The following ITPKB variants were observed in gnomAD, a reference collection of about 807,000 sequenced individuals.
The protein encoded by ITPKB is IP3 3-kinase B.
A neutral mutation model predicts 69.4 loss-of-function variants in ITPKB; 13 were observed. The ratio of observed to expected loss-of-function variants is 0.19; its 90% confidence interval spans 0.12 to 0.30. ITPKB has a LOEUF of 0.30. Ranked by LOEUF, ITPKB falls within the 10% of genes least tolerant of loss-of-function variation. ITPKB has a pLI of 1.00. For synonymous variants in ITPKB, 584 were observed against 513.7 expected, an observed-to-expected ratio of 1.14 and a Z score of -1.85; for missense variants, 1,240 against 1,250.5, an observed-to-expected ratio of 0.99 and a Z score of 0.13.
chr1:226,687,676 C>A (rs553008096), intron 2 of ITPKB, among the ~76,000 whole-genome samples: 95 of 152,282 alleles, frequency 6.2e-4, no homozygotes, highest in Non-Finnish European at 1.2e-3. Context: ...GAGCACTTAC[C>A]TAGAGACACA....
At chr1:226,683,829 A>C (rs1242127658) in intron 2 of ITPKB, among the ~76,000 whole-genome samples, 1 of 152,070 alleles carries the variant, frequency 6.6e-6, no homozygotes, top group Admixed American at 6.5e-5. Flanking sequence ...AACATCTTAC[A>C]ACATCTGTGC....
chr1:226,698,386 T>C (rs1487234140), intron 2 of ITPKB, among the ~76,000 whole-genome samples: 2 of 152,178 alleles, frequency 1.3e-5, no homozygotes, highest in African/African-American at 4.8e-5. Context: ...AAACCTCTCT[T>C]AAATCAGAGT....
Position 226,737,150 on chromosome 1 carries a change from A to T in ITPKB, c.309T>A (p.Ala103=). 3.1e-6 allele frequency: 5 copies of T among 1,599,250 alleles called. No individual in the cohort carries two copies. Among genetic ancestry groups the T allele is most frequent in the Non-Finnish European group, 3.4e-6 (4 of 1,179,202 alleles). ...SGSSVSSPSW[A]GRLRGDRQQV... ...GCTGCCGGTCCCCTCGCAGGCGACC[A>T]GCCCAACTTGGGCTGCTCACGCTAC... The change falls in exon 2 of 8, where the codon GCT becomes GCA. Residue 103 remains alanine, a synonymous_variant. Transcript: ENST00000429204.
chr1:226,727,363 C>T (rs1237576953), intron 2 of ITPKB, among the ~76,000 whole-genome samples: 1 of 152,118 alleles, frequency 6.6e-6, no homozygotes, highest in African/African-American at 2.4e-5. Context: ...TTGGAAAAAA[C>T]ACTTGCTGGG....
intron 2 of ITPKB, among the ~76,000 whole-genome samples, chr1:226,663,436 C>A (rs942744683): frequency 6.6e-6 from 1 of 152,172 alleles, no homozygotes; most frequent in Non-Finnish European, 1.5e-5. Context: ...TCCCGCCCAC[C>A]GGGAGCAGGG....
In ITPKB at chr1:226,654,290, G is replaced by C. The variant is rs541599119; in HGVS notation, c.1933-5519C>G. Among the ~76,000 whole-genome samples the C allele has an allele frequency of 2.0e-5, 3 of 152,244 alleles. No homozygotes were observed. In the South Asian group the frequency reaches 6.2e-4, roughly 32 times the overall value. ...TTGGAGGAGACAGGAAGTCAGAGGC[G>C]AAGGGAGCTTGAGGAGCCGGCAGAC... is the stretch of plus-strand genomic sequence containing the variant. On this transcript the variant is annotated intron_variant, in intron 2 of 7. Transcript: ENST00000429204.
chr1:226,644,334 G>A (rs892947554), intron 4 of ITPKB, among the ~76,000 whole-genome samples: 6 of 152,230 alleles, frequency 3.9e-5, no homozygotes, highest in Non-Finnish European at 7.3e-5. Flanking sequence ...ATGCAGGGAA[G>A]CAGAGACCTG....
chr1:226,674,424 C>T (rs1669684924), intron 2 of ITPKB, among the ~76,000 whole-genome samples: 1 of 152,062 alleles, frequency 6.6e-6, no homozygotes, highest in South Asian at 2.1e-4. Context: ...GTTTTGAACT[C>T]CTGACCTCGT....
chr1:226,652,866 G>A (rs1052168120), intron 2 of ITPKB, among the ~76,000 whole-genome samples: 1 of 152,228 alleles, frequency 6.6e-6, no homozygotes, highest in African/African-American at 2.4e-5. Flanking sequence ...GCTCTGCTGT[G>A]ACCCTTACTT....
chr1:226,709,819 G>A (rs1656898434), intron 2 of ITPKB, among the ~76,000 whole-genome samples: 3 of 152,260 alleles, frequency 2.0e-5, no homozygotes, highest in South Asian at 2.1e-4. Flanking sequence ...TCCTGCCCAA[G>A]GACAGTGCTT....
At chr1:226,652,366 C>T (rs1237954714) in intron 2 of ITPKB, among the ~76,000 whole-genome samples, 1 of 152,234 alleles carries the variant, frequency 6.6e-6, no homozygotes, top group East Asian at 1.9e-4. Context: ...ACAGCCCTCC[C>T]TCCAAGCACT....
intron 2 of ITPKB, among the ~76,000 whole-genome samples, chr1:226,697,251 T>C (rs1656511546): frequency 6.6e-6 from 1 of 152,216 alleles, no homozygotes; most frequent in African/African-American, 2.4e-5. Context: ...TAGCAATAGT[T>C]GCTGTGAGGC....
chr1:226,730,991 C>A (rs1410583232), intron 2 of ITPKB, among the ~76,000 whole-genome samples: 1 of 152,226 alleles, frequency 6.6e-6, no homozygotes, highest in East Asian at 1.9e-4. Flanking sequence ...GAGTCTTGAG[C>A]TGTATGTTTT....
At chr1:226,668,078 C>G (rs1207089364) in intron 2 of ITPKB, among the ~76,000 whole-genome samples, 1 of 152,134 alleles carries the variant, frequency 6.6e-6, no homozygotes, top group African/African-American at 2.4e-5. Context: ...AATACTGAAA[C>G]TGATGGGCTT....
At chr1:226,639,884 T>C (rs1344563358) in intron 5 of ITPKB, among the ~76,000 whole-genome samples, 6 of 152,150 alleles carry the variant, frequency 3.9e-5, no homozygotes, top group Non-Finnish European at 7.3e-5. Context: ...GGCGCTGACA[T>C]CCCCAGGCGA....
intron 2 of ITPKB, among the ~76,000 whole-genome samples, chr1:226,686,003 C>G (rs1445964419): frequency 6.6e-6 from 1 of 152,148 alleles, no homozygotes; most frequent in Non-Finnish European, 1.5e-5. Flanking sequence ...GATGAAGATT[C>G]CAACCTGAGA....
intron 2 of ITPKB, among the ~76,000 whole-genome samples, chr1:226,677,571 C>T (rs3754394): frequency 2.6e-5 from 4 of 152,212 alleles, no homozygotes; most frequent in Non-Finnish European, 5.9e-5. Context: ...GGAGGTACTC[C>T]CTCTTCCCCT....
At chr1:226,682,145 A>G (rs1287389384) in intron 2 of ITPKB, among the ~76,000 whole-genome samples, 2 of 152,126 alleles carry the variant, frequency 1.3e-5, no homozygotes, top group Non-Finnish European at 2.9e-5. Context: ...TGGGAGTTTT[A>G]CAACCATTGT....
At chr1:226,635,688 T>C (rs1028905721) in intron 7 of ITPKB, among the ~76,000 whole-genome samples, 1 of 152,152 alleles carries the variant, frequency 6.6e-6, no homozygotes. Context: ...AAGAACCTGT[T>C]TCAAATGCAC....
Sources: gnomAD v4.1 joint callset for allele counts (sites outside exome capture counted in the v4.1 genomes callset) on GRCh38, gnomAD v4.1.1 for gene constraint, MANE v1.5 for transcripts, NCBI Gene and HGNC (gene_info 2026-07-23, HGNC 2026-07-21) for gene names.